Variants in NLGN1 observed in about 807,000 individuals in gnomAD.
NLGN1 encodes neuroligin-1.
In NLGN1, 12 loss-of-function variants were observed where a neutral mutation model predicts 65.5. The observed-to-expected ratio is 0.18, with a 90% CI of 0.12 to 0.30. The LOEUF is 0.30. NLGN1 is among the 10% of genes least tolerant of loss of function. NLGN1 has a pLI of 1.00. For synonymous variants in NLGN1, 350 were observed against 359.5 expected (o/e 0.97, Z 0.30); for missense variants, 750 against 1,007.1 (o/e 0.74, Z 3.46).
chr3:173,910,322 A>G (rs1259947744), intron 4 of NLGN1, among the ~76,000 whole-genome samples: 3 of 152,176 alleles, frequency 2.0e-5, no homozygotes, highest in African/African-American at 7.2e-5. Flanking sequence ...GTATCTGTTG[A>G]ATAGCTTGGG....
chr3:174,143,123 T>C (rs930342755), intron 4 of NLGN1, among the ~76,000 whole-genome samples: 3 of 152,068 alleles, frequency 2.0e-5, no homozygotes, highest in African/African-American at 7.2e-5. Flanking sequence ...ATCCACTCCA[T>C]CAATCCAATC....
chr3:173,750,552 G>C (rs543622339), intron 3 of NLGN1, among the ~76,000 whole-genome samples: 1 of 152,164 alleles, frequency 6.6e-6, no homozygotes. Flanking sequence ...AATTTTCTAA[G>C]AACTTGAACA....
At chr3:173,618,195 T>C (rs1753429206) in intron 3 of NLGN1, among the ~76,000 whole-genome samples, 1 of 145,592 alleles carries the variant, frequency 6.9e-6, no homozygotes, top group Non-Finnish European at 1.5e-5. Context: ...TCATTGTTCT[T>C]CTTTTCTTCT....
intron 2 of NLGN1, among the ~76,000 whole-genome samples, chr3:173,560,492 A>T (rs1742539222): frequency 6.6e-6 from 1 of 151,276 alleles, no homozygotes; most frequent in Admixed American, 6.6e-5. Context: ...CGGTAAATTT[A>T]CTCCTGTAGA....
chr3:173,698,464 C>G (rs1766581823), intron 3 of NLGN1, among the ~76,000 whole-genome samples: 1 of 152,166 alleles, frequency 6.6e-6, no homozygotes, highest in South Asian at 2.1e-4. Context: ...GCGCCTTCTA[C>G]TAGTGGAACA....
chr3:173,516,436 A>G (rs1466375601), intron 2 of NLGN1, among the ~76,000 whole-genome samples: 1 of 151,978 alleles, frequency 6.6e-6, no homozygotes, highest in African/African-American at 2.4e-5. Flanking sequence ...CTCCTACAAT[A>G]TACTCCTCTT....
At chr3:173,967,037 C>T (rs554692308) in intron 4 of NLGN1, among the ~76,000 whole-genome samples, 7 of 152,182 alleles carry the variant, frequency 4.6e-5, no homozygotes, top group African/African-American at 1.4e-4. Context: ...TAACATCTAA[C>T]GATAAGACAA....
At chr3:173,397,403 G>C (rs974460335), upstream of NLGN1, among the ~76,000 whole-genome samples, 7 of 152,084 alleles carry the variant, frequency 4.6e-5, no homozygotes, top group Admixed American at 3.3e-4. Flanking sequence ...CTTTTGGGGA[G>C]ATGTGGGAAC....
At chr3:173,684,209 G>GT (rs1217494512) in intron 3 of NLGN1, among the ~76,000 whole-genome samples, 2 of 152,028 alleles carry the variant, frequency 1.3e-5, no homozygotes, top group South Asian at 2.1e-4. Flanking sequence ...GACACAGTAA[G>GT]TTTTTTTAAA....
chr3:174,206,168 A>G (rs1055231900), intron 4 of NLGN1, among the ~76,000 whole-genome samples: 5 of 152,238 alleles, frequency 3.3e-5, no homozygotes, highest in African/African-American at 1.2e-4. Context: ...CTGATTTTAG[A>G]TCAAGAAAAT....
At chr3:173,807,376 G>A (rs921326423) in intron 3 of NLGN1, among the ~76,000 whole-genome samples, 5 of 151,932 alleles carry the variant, frequency 3.3e-5, no homozygotes, top group African/African-American at 7.2e-5. Context: ...TTTCTTTTGC[G>A]TTTACTGTCA....
At chr3:173,464,866 AT>A (rs374045991) in intron 2 of NLGN1, among the ~76,000 whole-genome samples, 12,369 of 123,746 alleles carry the variant, frequency 0.1, 556 homozygotes, top group Middle Eastern at 0.23. Flanking sequence ...CTCTAGAACT[AT>A]TTTTTTTTGT....
chr3:173,801,878 A>G (rs555945738), intron 3 of NLGN1, among the ~76,000 whole-genome samples: 1 of 152,248 alleles, frequency 6.6e-6, no homozygotes, highest in East Asian at 1.9e-4. Context: ...GATGCATTCA[A>G]ACATTCAGGA....
At chr3:173,997,206 G>A (rs6807992) in intron 4 of NLGN1, among the ~76,000 whole-genome samples, 37,623 of 151,804 alleles carry the variant, frequency 0.25, 5,488 homozygotes, top group African/African-American at 0.4. Flanking sequence ...AATTATTTTT[G>A]AAACATAATT....
intron 4 of NLGN1, among the ~76,000 whole-genome samples, chr3:174,032,995 G>GAT (rs1473794632): frequency 6.6e-6 from 1 of 151,632 alleles, no homozygotes; most frequent in East Asian, 1.9e-4. Flanking sequence ...TATAGATATA[G>GAT]ATCTATCTAT....
At chr3:173,540,596 T>C (rs1424368235) in intron 2 of NLGN1, among the ~76,000 whole-genome samples, 3 of 152,174 alleles carry the variant, frequency 2.0e-5, no homozygotes, top group Non-Finnish European at 4.4e-5. Flanking sequence ...GCTCCTTTCA[T>C]GGGTCCATGA....
At chr3:173,866,581 A>G (rs1031092677) in intron 4 of NLGN1, among the ~76,000 whole-genome samples, 19 of 152,216 alleles carry the variant, frequency 1.2e-4, no homozygotes, top group Admixed American at 3.3e-4. Flanking sequence ...AAATTGACTT[A>G]TATACAGTTG....
At chr3:173,922,301 C>T (rs1008786340) in intron 4 of NLGN1, among the ~76,000 whole-genome samples, 7 of 151,658 alleles carry the variant, frequency 4.6e-5, no homozygotes, top group African/African-American at 1.7e-4. Flanking sequence ...AGTTATTTGC[C>T]AAGCACTGTG....
chr3:173,612,607 C>T (rs1179858537), intron 3 of NLGN1, among the ~76,000 whole-genome samples: 1 of 152,066 alleles, frequency 6.6e-6, no homozygotes, highest in Non-Finnish European at 1.5e-5. Context: ...ATGCGGTCTT[C>T]TTACACAGGT....
Sources: allele counts gnomAD v4.1 joint callset (sites outside exome capture counted in the v4.1 genomes callset), GRCh38; gene constraint gnomAD v4.1.1; transcripts MANE v1.5; gene names NCBI Gene and HGNC (gene_info 2026-07-23, HGNC 2026-07-21).